GIPC2: variants seen among roughly 807,000 people sequenced by gnomAD.
The protein encoded by GIPC2 is GIPC PDZ domain containing family member 2.
In GIPC2, 30 loss-of-function variants were observed where a neutral mutation model predicts 30.6. The ratio of observed to expected loss-of-function variants is 0.98; its 90% confidence interval spans 0.73 to 1.33. The LOEUF (loss-of-function observed/expected upper bound fraction) is 1.33, where lower values mean the gene tolerates loss of function less well. Among genes scored for constraint, GIPC2 ranks in the 40% most tolerant of loss-of-function variants. The pLI, the probability that GIPC2 is intolerant of heterozygous loss-of-function variation, is 0.00. For missense variants in GIPC2, 414 were observed against 390.3 expected, an observed-to-expected ratio of 1.06 and a Z score of -0.51; for synonymous variants, 167 against 150.0, an observed-to-expected ratio of 1.11 and a Z score of -0.83.
chr1:78,127,301 A>C (rs1298504739), intron 5 of GIPC2, among the ~76,000 whole-genome samples: 1 of 152,248 alleles, frequency 6.6e-6, no homozygotes, highest in Non-Finnish European at 1.5e-5. Context: ...GTATCAGGCA[A>C]CACCTCAAAA....
At chr1:78,116,671 C>G (rs1350329316) in intron 3 of GIPC2, among the ~76,000 whole-genome samples, 1 of 152,152 alleles carries the variant, frequency 6.6e-6, no homozygotes, top group Non-Finnish European at 1.5e-5. Context: ...CATGTCCCTA[C>G]AAAGGACATG....
chr1:78,056,203 A>G (rs1390091080), intron 1 of GIPC2, among the ~76,000 whole-genome samples: 5 of 152,166 alleles, frequency 3.3e-5, no homozygotes, highest in Admixed American at 1.3e-4. Context: ...ATGGCTGGGC[A>G]TGGTGGCTCA....
rs573501507 is a variant in GIPC2 at position 78,091,997 on chromosome 1, A to G, written c.427-2955A>G. On this transcript the variant is annotated intron_variant, in intron 2 of 5. Coordinates refer to ENST00000370759, the MANE Select transcript of GIPC2 (RefSeq NM_017655.6). ...GAACTTCAACCCCACAGTGAACTAC[A>G]TTTTGTCCATAAGTGCTTCATCAGG... is the stretch of plus-strand genomic sequence containing the variant. The G allele has an allele frequency of 1.4e-4, 204 of 1,461,086 alleles. 2 individuals are homozygous for G. The South Asian group carries it at 1.7e-3, about 12-fold the overall frequency. The allele number at this position is 1,461,086 out of a possible 1,614,324, so 90.5% of individuals were successfully genotyped here.
intron 1 of GIPC2, among the ~76,000 whole-genome samples, chr1:78,080,283 T>C (rs1661799036): frequency 6.6e-6 from 1 of 152,176 alleles, no homozygotes; most frequent in African/African-American, 2.4e-5. Flanking sequence ...TTAAAATGGG[T>C]GAGACCTGAA....
intron 3 of GIPC2, among the ~76,000 whole-genome samples, chr1:78,118,774 GT>G (rs1402067378): frequency 6.6e-6 from 1 of 152,134 alleles, no homozygotes; most frequent in Non-Finnish European, 1.5e-5. Flanking sequence ...TTGAAATCTG[GT>G]TTGTATCTGC....
At chr1:78,050,552 A>C (rs891621083) in intron 1 of GIPC2, among the ~76,000 whole-genome samples, 1 of 152,210 alleles carries the variant, frequency 6.6e-6, no homozygotes, top group African/African-American at 2.4e-5. Flanking sequence ...AAACCCTGTA[A>C]ATTAATCTCA....
At chr1:78,045,584 C>A, upstream of GIPC2, 3 of 985,458 alleles carry the variant, frequency 3.0e-6, no homozygotes, top group Non-Finnish European at 3.6e-6. Flanking sequence ...GTGACTTTCT[C>A]TTCCAATTCT....
chr1:78,067,959 T>C (rs550995623), intron 1 of GIPC2, among the ~76,000 whole-genome samples: 1 of 152,324 alleles, frequency 6.6e-6, no homozygotes, highest in South Asian at 2.1e-4. Context: ...TGGATTATTT[T>C]ATAGTAACTA....
At chr1:78,065,968 T>C (rs1025418058) in intron 1 of GIPC2, among the ~76,000 whole-genome samples, 1 of 152,196 alleles carries the variant, frequency 6.6e-6, no homozygotes, top group African/African-American at 2.4e-5. Flanking sequence ...AGTACCATTC[T>C]GGACATAGGA....
At position 78,108,532 on chromosome 1, in the gene GIPC2, C is replaced by T. The variant is rs17101286; in HGVS notation, c.608-10861C>T. ...TGATCCAATAGACAACAACTGACAC[C>T]TTCATGCAGGTGGCATCAGTATATG... On this transcript the variant is annotated intron_variant, in intron 3 of 5. Coordinates refer to ENST00000370759, the MANE Select transcript of GIPC2 (RefSeq NM_017655.6). Among the ~76,000 whole-genome samples the T allele has an allele frequency of 7.4e-3, 1,126 of 152,272 alleles. 14 individuals are homozygous for T. The highest frequency in any genetic ancestry group is 0.026 in the African/African-American group (1,088 of 41,552).
intron 1 of GIPC2, among the ~76,000 whole-genome samples, chr1:78,049,601 C>T (rs993601944): frequency 1.3e-5 from 2 of 152,120 alleles, no homozygotes; most frequent in Non-Finnish European, 2.9e-5. Flanking sequence ...GCTAGCCACT[C>T]TTTATTGAGG....
At chr1:78,110,634 G>A (rs1207759523) in intron 3 of GIPC2, among the ~76,000 whole-genome samples, 1 of 152,174 alleles carries the variant, frequency 6.6e-6, no homozygotes, top group Admixed American at 6.5e-5. Flanking sequence ...TTGCCTAGGT[G>A]GGAGGGACTT....
chr1:78,085,141 G>A (rs1056174766), intron 2 of GIPC2, among the ~76,000 whole-genome samples: 5 of 152,108 alleles, frequency 3.3e-5, no homozygotes, highest in Non-Finnish European at 7.4e-5. Flanking sequence ...TTAACATGAA[G>A]GGTGTTGAAT....
chr1:78,105,582 G>A (rs555481494), intron 3 of GIPC2, among the ~76,000 whole-genome samples: 1 of 152,008 alleles, frequency 6.6e-6, no homozygotes, highest in South Asian at 2.1e-4. Context: ...CACCTTGCCC[G>A]ACCAGAACCG....
intron 3 of GIPC2, among the ~76,000 whole-genome samples, chr1:78,118,001 C>T (rs1378495331): frequency 1.3e-5 from 2 of 151,712 alleles, no homozygotes; most frequent in Non-Finnish European, 2.9e-5. Flanking sequence ...TGGCTCACTG[C>T]AGCCTTGACC....
chr1:78,114,472 G>A (rs1662530806), intron 3 of GIPC2, among the ~76,000 whole-genome samples: 1 of 152,138 alleles, frequency 6.6e-6, no homozygotes, highest in African/African-American at 2.4e-5. Context: ...TAAACAGATT[G>A]ATTTATGTAC....
intron 1 of GIPC2, among the ~76,000 whole-genome samples, chr1:78,078,509 C>T (rs1661761329): frequency 1.3e-5 from 2 of 152,114 alleles, no homozygotes; most frequent in South Asian, 4.1e-4. Flanking sequence ...AAAAAAGAAA[C>T]TAATGCCCTG....
intron 1 of GIPC2, among the ~76,000 whole-genome samples, chr1:78,070,983 A>C (rs1661606919): frequency 1.3e-5 from 2 of 152,166 alleles, no homozygotes; most frequent in African/African-American, 4.8e-5. Context: ...TTTATACAAT[A>C]TACTCATGAA....
At chr1:78,097,466 G>C (rs534714892) in intron 3 of GIPC2, among the ~76,000 whole-genome samples, 23 of 152,228 alleles carry the variant, frequency 1.5e-4, no homozygotes, top group South Asian at 1.0e-3. Flanking sequence ...TAAAGACTTA[G>C]CCTGGAGAGG....
Sources: gnomAD v4.1 joint callset for allele counts (sites outside exome capture counted in the v4.1 genomes callset) on GRCh38, gnomAD v4.1.1 for gene constraint, MANE v1.5 for transcripts, NCBI Gene and HGNC (gene_info 2026-07-23, HGNC 2026-07-21) for gene names.